POLR2G: variants seen among roughly 807,000 people sequenced by gnomAD.
POLR2G encodes DNA-directed RNA polymerase II subunit RPB7.
In POLR2G, 19 loss-of-function variants were observed where a neutral mutation model predicts 25.7. That is an observed-to-expected ratio of 0.74 (90% CI 0.52 to 1.08). POLR2G has a LOEUF of 1.08. POLR2G is among the 50% of genes least tolerant of loss of function. The pLI, the probability that POLR2G is intolerant of heterozygous loss-of-function variation, is 0.00. For synonymous variants in POLR2G, 79 were observed against 76.0 expected (o/e 1.04, Z -0.21); for missense variants, 123 against 218.5 (o/e 0.56, Z 2.76).
chr11:62,766,239 G>A lies in POLR2G; in HGVS notation c.472-4G>A, dbSNP rs1407948185. 1 of 1,613,642 alleles carries A rather than the reference G, an allele frequency of 6.2e-7. No homozygotes were observed. The highest frequency in any genetic ancestry group is 8.5e-7 in the Non-Finnish European group (1 of 1,179,614). On this transcript the variant is annotated splice_polypyrimidine_tract_variant and splice_region_variant and intron_variant, in intron 6 of 7. Transcript: ENST00000301788. ...TCACTTTCTTTTTACCATCTTTCTT[G>A]CAGTTTGCTATTGGCTCCCTGATGG... is the stretch of plus-strand genomic sequence containing the variant.
intron 2 of POLR2G, 92 bp downstream of exon 2, chr11:62,761,996 C>T: frequency 1.0e-6 from 1 of 954,238 alleles, no homozygotes; most frequent in Non-Finnish European, 1.6e-6. Context: ...CTCGTCCTGC[C>T]ACCCACTCTG....
intron 3 of POLR2G, among the ~76,000 whole-genome samples, chr11:62,763,279 G>A (rs1451914820): frequency 6.6e-6 from 1 of 150,782 alleles, no homozygotes; most frequent in Non-Finnish European, 1.5e-5. Flanking sequence ...CTAAAGGCAC[G>A]TGCCACCATG....
Position 62,765,200 on chromosome 11 carries a change from A to G in POLR2G, c.301A>G (p.Ile101Val). The G allele has an allele frequency of 6.2e-7, 1 of 1,613,890 alleles. No individual in the cohort carries two copies. Among genetic ancestry groups the G allele is most frequent in the Non-Finnish European group, 8.5e-7 (1 of 1,179,990 alleles). ...TTTCTAGGTTGGACTCTTCACAGAA[A>G]TTGGGCCCATGTCTTGCTTCATCTC... ...QVNKVGLFTE[I>V]GPMSCFISRH... Residue 101 changes from isoleucine (I) to valine (V), a missense_variant, in exon 4 of 8, where the codon ATT becomes GTT. Coordinates refer to ENST00000301788, the MANE Select transcript of POLR2G (RefSeq NM_002696.3).
At chr11:62,762,797 A>C (rs1249775541) in intron 2 of POLR2G, 70 bp from the exon 3 acceptor site, 6 of 1,319,974 alleles carry the variant, frequency 4.5e-6, no homozygotes, top group African/African-American at 1.5e-5. Context: ...GAGCTCAGCG[A>C]CTTTTATTGC....
At chr11:62,762,748 A>G (rs1029855185) in intron 2 of POLR2G, 119 bp from the exon 3 acceptor site, 16 of 727,090 alleles carry the variant, frequency 2.2e-5, no homozygotes, top group Non-Finnish European at 3.7e-5. Flanking sequence ...CAGAGGTGCT[A>G]TCTACTTGTC....
At chr11:62,766,327 T>TG in intron 7 of POLR2G, 51 bp downstream of exon 7, 1 of 1,566,186 alleles carries the variant, frequency 6.4e-7, no homozygotes, top group Admixed American at 1.7e-5. Context: ...AAGGGATGTG[T>TG]GGGGGTGGGG....
At chr11:62,762,735 G>A (rs1275469793) in intron 2 of POLR2G, 132 bp from the exon 3 acceptor site, 2 of 678,304 alleles carry the variant, frequency 2.9e-6, no homozygotes, top group Non-Finnish European at 2.7e-6. Context: ...AGCTCTCTGG[G>A]AGCAGAGGTG....
intron 3 of POLR2G, among the ~76,000 whole-genome samples, 153 bp from the exon 4 acceptor site, chr11:62,765,029 T>A (rs907902085): frequency 2.6e-5 from 4 of 152,088 alleles, no homozygotes; most frequent in Admixed American, 2.0e-4. Context: ...CGGCTAATTT[T>A]TGTATTTTTA....
Position 62,766,279 on chromosome 11 carries a change from G to C in POLR2G, c.505+3G>C. Reference sequence around the variant, plus strand: ...CTCCCTGATGGACGATTACTTGGGTGAGTGCCTGATCATAGGTGCTGGGGT... The same window carrying C: ...CTCCCTGATGGACGATTACTTGGGTCAGTGCCTGATCATAGGTGCTGGGGT... On this transcript the variant is annotated splice_donor_region_variant and intron_variant, in intron 7 of 7. Coordinates refer to ENST00000301788, the MANE Select transcript of POLR2G (RefSeq NM_002696.3). 1.2e-6 allele frequency: 2 copies of C among 1,613,316 alleles called. No homozygotes were observed. The highest frequency in any genetic ancestry group is 2.2e-5 in the South Asian group (2 of 91,064).
chr11:62,766,103 T>C (rs577935618), intron 6 of POLR2G, 140 bp from the exon 7 acceptor site: 1 of 805,694 alleles, frequency 1.2e-6, no homozygotes, highest in African/African-American at 1.7e-5. Context: ...TGTCGATTTC[T>C]TACCACCCAC....
Position 62,766,615 on chromosome 11 carries a change from A to G in POLR2G, c.*108A>G, listed in dbSNP as rs2084117079. 7 of 1,020,606 alleles carry G rather than the reference A, an allele frequency of 6.9e-6. No homozygotes were observed. In the South Asian group the frequency reaches 7.9e-5, roughly 12 times the overall value. 63.2% of individuals were successfully genotyped at this position (1,020,606 alleles called of 1,614,324 possible). Reference sequence around the variant, plus strand: ...TGCTGTTGTGGAGGCAAGGAAGGCAACTCATCCCAGAAGGCATCTGGTGCT... The same window carrying G: ...TGCTGTTGTGGAGGCAAGGAAGGCAGCTCATCCCAGAAGGCATCTGGTGCT... On this transcript the variant is annotated 3_prime_UTR_variant, in exon 8 of 8. Transcript: ENST00000301788.
At chr11:62,766,169 G>A in intron 6 of POLR2G, 74 bp from the exon 7 acceptor site, 2 of 1,234,164 alleles carry the variant, frequency 1.6e-6, no homozygotes, top group African/African-American at 1.5e-5. Flanking sequence ...TGGGCAGAAG[G>A]CCTGGGGCTG....
intron 3 of POLR2G, among the ~76,000 whole-genome samples, chr11:62,764,028 C>T (rs938464687): frequency 6.8e-6 from 1 of 146,932 alleles, no homozygotes; most frequent in African/African-American, 2.7e-5. Flanking sequence ...AGGCGTGAGC[C>T]ACCGTGCCCG....
rs2084117327 is a variant in POLR2G at position 62,766,660 on chromosome 11, C to T, written c.*153C>T. ...GGTGCTTCTTGTAGCTTAACTACTG[C>T]CTCCTCATTTTTCAGTATGTGTTCT... On this transcript the variant is annotated 3_prime_UTR_variant, in exon 8 of 8. Transcript: ENST00000301788. The T allele has an allele frequency of 1.5e-6, 1 of 650,106 alleles. No homozygotes were observed. Among genetic ancestry groups the T allele is most frequent in the South Asian group, 1.8e-5 (1 of 55,424 alleles). 40.3% of individuals were successfully genotyped at this position (650,106 alleles called of 1,614,324 possible).
At chr11:62,766,220 T>G (rs2084115264) in intron 6 of POLR2G, 23 bp from the exon 7 acceptor site, 9 of 1,612,888 alleles carry the variant, frequency 5.6e-6, no homozygotes, top group Admixed American at 3.3e-5. Flanking sequence ...GGCTTCACTT[T>G]CTTTTTACCA....
At chr11:62,766,330 G>A in intron 7 of POLR2G, 54 bp downstream of exon 7, 1 of 1,560,364 alleles carries the variant, frequency 6.4e-7, no homozygotes, top group Non-Finnish European at 8.8e-7. Flanking sequence ...GGATGTGTGG[G>A]GGTGGGGAGT....
In POLR2G at chr11:62,763,518, T is replaced by C. The variant is rs184094183; in HGVS notation, c.282+492T>C. 5.6e-3 allele frequency among the ~76,000 whole-genome samples: 848 copies of C among 151,968 alleles called. 8 individuals carry two copies. Among genetic ancestry groups the C allele is most frequent in the Non-Finnish European group, 9.7e-3 (662 of 67,946 alleles). On this transcript the variant is annotated intron_variant, in intron 3 of 7. Coordinates refer to ENST00000301788, the MANE Select transcript of POLR2G (RefSeq NM_002696.3). ...ACTGTGTTAGCCAGGATGGTCTCGATCTCCTGACCTCGTGATCCACCCGCC... is the reference window on the plus strand; with the variant it reads ...ACTGTGTTAGCCAGGATGGTCTCGACCTCCTGACCTCGTGATCCACCCGCC...
Position 62,765,620 on chromosome 11 carries a change from G to C in POLR2G, c.400-33G>C, listed in dbSNP as rs1291940628. The C allele has an allele frequency of 3.4e-6, 5 of 1,467,644 alleles. 1 individual carries two copies. In the African/African-American group the frequency reaches 6.9e-5, roughly 20 times the overall value. The allele number at this position is 1,467,644 out of a possible 1,614,324, so 90.9% of individuals were successfully genotyped here. The stretch of plus-strand genomic sequence containing the variant: ...GTGATGTAACTTCTCATAAACTGAG[G>C]AGCATCTGTACACTGTTCCCTCCTC... On this transcript the variant is annotated intron_variant, in intron 5 of 7. Transcript: ENST00000301788.
At chr11:62,762,491 A>C (rs936234763) in intron 2 of POLR2G, 1 of 408,884 alleles carries the variant, frequency 2.4e-6, no homozygotes, top group Non-Finnish European at 5.2e-6. Flanking sequence ...CTCCAGCATC[A>C]GAAAAACCTG....
Sources: gnomAD v4.1 joint callset for allele counts (sites outside exome capture counted in the v4.1 genomes callset) on GRCh38, gnomAD v4.1.1 for gene constraint, MANE v1.5 for transcripts, NCBI Gene and HGNC (gene_info 2026-07-23, HGNC 2026-07-21) for gene names.